The following TMCO5A variants were observed in gnomAD, a reference collection of about 807,000 sequenced individuals.
TMCO5A encodes the protein transmembrane and coiled-coil domains 5A.
Under a neutral mutation model 42.3 loss-of-function variants are expected in TMCO5A, and 34 were observed. That is an observed-to-expected ratio of 0.80 (90% CI 0.61 to 1.07). TMCO5A has a LOEUF of 1.07. Ranked by LOEUF, TMCO5A falls within the 50% of genes least tolerant of loss-of-function variation. The probability of loss-of-function intolerance (pLI) is 0.00; values close to 1 mark genes in which losing one functional copy is unlikely to be tolerated. For missense variants in TMCO5A, 357 were observed against 327.9 expected (o/e 1.09, Z -0.69); for synonymous variants, 131 against 115.6 (o/e 1.13, Z -0.86).
the TMCO5A span, among the ~76,000 whole-genome samples, chr15:38,003,988 G>A: frequency 6.6e-6 from 1 of 151,814 alleles, no homozygotes; most frequent in East Asian, 1.9e-4. Flanking sequence ...TTTTTGTAAG[G>A]CCCACAGCTG....
At chr15:37,965,340 TA>T (rs1890531728) in intron 11 of TMCO5A, among the ~76,000 whole-genome samples, 1 of 152,092 alleles carries the variant, frequency 6.6e-6, no homozygotes, top group Non-Finnish European at 1.5e-5. Context: ...AACTCTCCAG[TA>T]CATTGGTCTG....
the TMCO5A span, among the ~76,000 whole-genome samples, chr15:37,999,769 C>T: frequency 2.0e-5 from 3 of 152,204 alleles, no homozygotes; most frequent in East Asian, 5.8e-4. Context: ...GCTTTTTCAG[C>T]ATCAATTGAA....
intron 11 of TMCO5A, among the ~76,000 whole-genome samples, chr15:37,958,592 T>C (rs563839198): frequency 4.2e-4 from 64 of 152,234 alleles, no homozygotes; most frequent in African/African-American, 1.5e-3. Flanking sequence ...CCAGTTAGAA[T>C]GGCGATCATT....
At chr15:38,011,920 C>T in the TMCO5A span, among the ~76,000 whole-genome samples, 1 of 151,966 alleles carries the variant, frequency 6.6e-6, no homozygotes, top group Non-Finnish European at 1.5e-5. Context: ...GTCATGAGAT[C>T]GAGACCACCC....
At chr15:37,940,276 CCT>C (rs1239960845) in intron 6 of TMCO5A, among the ~76,000 whole-genome samples, 1 of 152,154 alleles carries the variant, frequency 6.6e-6, no homozygotes, top group Admixed American at 6.5e-5. Flanking sequence ...CAATCTAGCC[CCT>C]GTCTACCTTA....
downstream of TMCO5A, among the ~76,000 whole-genome samples, chr15:37,951,888 C>T (rs1890168656): frequency 6.6e-6 from 1 of 152,112 alleles, no homozygotes; most frequent in South Asian, 2.1e-4. Flanking sequence ...TCACCAACAC[C>T]CCCCCTTTCC....
chr15:37,992,505 C>T, the TMCO5A span, among the ~76,000 whole-genome samples: 12 of 152,044 alleles, frequency 7.9e-5, no homozygotes, highest in Non-Finnish European at 1.6e-4. Context: ...GGTATATACC[C>T]AAAGGAATAT....
At chr15:37,944,896 A>G (rs1350030865) in intron 10 of TMCO5A, among the ~76,000 whole-genome samples, 1 of 152,084 alleles carries the variant, frequency 6.6e-6, no homozygotes, top group South Asian at 2.1e-4. Flanking sequence ...TCAGGGGTAC[A>G]TGTGCAGGAT....
At chr15:37,954,034 AT>A (rs1419670918), downstream of TMCO5A, among the ~76,000 whole-genome samples, 1 of 152,040 alleles carries the variant, frequency 6.6e-6, no homozygotes, top group Non-Finnish European at 1.5e-5. Flanking sequence ...AAGGAAAAAA[AT>A]AAAATAAAAA....
At chr15:38,036,489 CTCTCT>C in the TMCO5A span, among the ~76,000 whole-genome samples, 4,928 of 92,712 alleles carry the variant, frequency 0.053, 255 homozygotes, top group African/African-American at 0.2. Context: ...TTTTGTCTCT[CTCTCT>C]CTCACACACA....
rs138045481 is a variant in TMCO5A at position 37,936,394 on chromosome 15, C to T, written c.71C>T (p.Thr24Met). ...ISLNMDLERDTQRIDEANQKL... is the reference protein window; with the variant it reads ...ISLNMDLERDMQRIDEANQKL... ...TTGAACATGGACCTTGAAAGGGATACGCAGAGAATAGATGAAGCAAATCAG... is the reference window on the plus strand; with the variant it reads ...TTGAACATGGACCTTGAAAGGGATATGCAGAGAATAGATGAAGCAAATCAG... The change falls in exon 3 of 12, where the codon ACG becomes ATG. Residue 24 changes from threonine (T) to methionine (M), a missense_variant. Thr to Met is a moderately conservative substitution (Grantham distance 81, BLOSUM62 -1). Coordinates refer to ENST00000319669, the MANE Select transcript of TMCO5A (RefSeq NM_152453.4). 2.2e-5 allele frequency: 36 copies of T among 1,612,692 alleles called. No homozygotes were observed. The highest frequency in any genetic ancestry group is 2.8e-5 in the Non-Finnish European group (33 of 1,179,330).
chr15:37,997,184 T>C, the TMCO5A span, among the ~76,000 whole-genome samples: 3 of 152,184 alleles, frequency 2.0e-5, no homozygotes, highest in African/African-American at 7.2e-5. Flanking sequence ...TGAAAGGATT[T>C]TTCTGTTTAT....
chr15:37,937,453 G>T, intron 5 of TMCO5A, 57 bp downstream of exon 5: 1 of 1,589,870 alleles, frequency 6.3e-7, no homozygotes, highest in Non-Finnish European at 8.6e-7. Context: ...TTCATCAAAG[G>T]GGCAAGGTTT....
At chr15:38,038,445 C>T in the TMCO5A span, among the ~76,000 whole-genome samples, 1 of 150,718 alleles carries the variant, frequency 6.6e-6, no homozygotes, top group Non-Finnish European at 1.5e-5. Context: ...CGCTTTGTCG[C>T]CCAGGCTGGA....
At chr15:37,936,063 G>A (rs1179818155) in intron 2 of TMCO5A, 4 of 300,546 alleles carry the variant, frequency 1.3e-5, no homozygotes, top group Non-Finnish European at 2.4e-5. Flanking sequence ...AGAAACCAGA[G>A]TGAAGGTGCA....
chr15:38,001,111 C>A, the TMCO5A span, among the ~76,000 whole-genome samples: 1 of 151,978 alleles, frequency 6.6e-6, no homozygotes, highest in Non-Finnish European at 1.5e-5. Flanking sequence ...AAGTCTCTGG[C>A]TATTATTGTA....
intron 7 of TMCO5A, 71 bp from the exon 8 acceptor site, chr15:37,941,600 G>T (rs1021195623): frequency 8.5e-7 from 1 of 1,171,488 alleles, no homozygotes; most frequent in African/African-American, 1.5e-5. Flanking sequence ...GGACCCAAGA[G>T]AAAACAAGTA....
chr15:37,952,518 C>T (rs1323952991), downstream of TMCO5A, among the ~76,000 whole-genome samples: 1 of 152,124 alleles, frequency 6.6e-6, no homozygotes, highest in Non-Finnish European at 1.5e-5. Flanking sequence ...TGGAAGGACA[C>T]ATCACCTGCT....
the TMCO5A span, chr15:38,040,002 A>G: frequency 0.97 from 148,210 of 152,356 alleles, 72,226 homozygotes; most frequent in East Asian, 1. Flanking sequence ...GCAGCTACAT[A>G]ACTGGAGCCT....
Sources: gnomAD v4.1 joint callset for allele counts (sites outside exome capture counted in the v4.1 genomes callset) on GRCh38, gnomAD v4.1.1 for gene constraint, MANE v1.5 for transcripts, NCBI Gene and HGNC (gene_info 2026-07-23, HGNC 2026-07-21) for gene names.